The following CUEDC1 variants were observed in gnomAD, a reference collection of about 807,000 sequenced individuals.
The protein encoded by CUEDC1 is CUE domain containing 1, also known as CUE domain-containing protein 1.
A neutral mutation model predicts 43.7 loss-of-function variants in CUEDC1; 30 were observed. The observed-to-expected ratio is 0.69, with a 90% CI of 0.51 to 0.93. CUEDC1 has a LOEUF of 0.93. Ranked by LOEUF, CUEDC1 falls within the 40% of genes least tolerant of loss-of-function variation. The pLI, the probability that CUEDC1 is intolerant of heterozygous loss-of-function variation, is 0.00. For missense variants in CUEDC1, 486 were observed against 549.0 expected (o/e 0.89, Z 1.15); for synonymous variants, 223 against 223.6 (o/e 1.00, Z 0.02).
intron 1 of CUEDC1, among the ~76,000 whole-genome samples, chr17:57,889,791 G>A (rs2074336300): frequency 6.6e-6 from 1 of 152,140 alleles, no homozygotes; most frequent in African/African-American, 2.4e-5. Flanking sequence ...AGACTCCCAG[G>A]CTGCCTATAG....
chr17:57,935,934 A>AGGGGACTT (rs1395508522), intron 1 of CUEDC1, among the ~76,000 whole-genome samples: 3 of 152,224 alleles, frequency 2.0e-5, no homozygotes, highest in African/African-American at 4.8e-5. Context: ...GAGAAAGACC[A>AGGGGACTT]GGGGACTTGA....
chr17:57,885,238 G>T lies in CUEDC1; in HGVS notation c.327C>A (p.Ile109=), dbSNP rs776987481. 1.8e-5 allele frequency: 28 copies of T among 1,577,292 alleles called. No homozygotes were observed. In the East Asian group the frequency reaches 6.5e-4, roughly 37 times the overall value. The change falls in exon 2 of 11, where the codon ATC becomes ATA. Residue 109 remains isoleucine (I), a synonymous_variant. Coordinates refer to ENST00000577830, the MANE Select transcript of CUEDC1 (RefSeq NM_001271875.2). The part of the protein sequence containing the change: ...YEDSSDSEDS[I]PPEILERTLE... Reference sequence around the variant, plus strand: ...CGGGCTGCGCCCCTACCTCCGGGGGGATGCTGTCCTCCGAGTCGGAGCTGT... The same window carrying T: ...CGGGCTGCGCCCCTACCTCCGGGGGTATGCTGTCCTCCGAGTCGGAGCTGT...
intron 3 of CUEDC1, 81 bp downstream of exon 3, chr17:57,879,530 G>A: frequency 6.8e-7 from 1 of 1,472,126 alleles, no homozygotes; most frequent in Non-Finnish European, 8.9e-7. Context: ...GTCCAGCCAA[G>A]TTTCGTGTTG....
At chr17:57,876,387 G>A (rs1347971243) in intron 3 of CUEDC1, among the ~76,000 whole-genome samples, 1 of 152,062 alleles carries the variant, frequency 6.6e-6, no homozygotes, top group Admixed American at 6.6e-5. Flanking sequence ...CCACATTACT[G>A]CCAATGTGGC....
intron 1 of CUEDC1, among the ~76,000 whole-genome samples, chr17:57,936,690 G>A (rs1377724911): frequency 2.6e-5 from 4 of 152,062 alleles, no homozygotes; most frequent in African/African-American, 9.7e-5. Context: ...ACCCGGGTGA[G>A]GCTCAGATCC....
intron 1 of CUEDC1, among the ~76,000 whole-genome samples, chr17:57,938,852 G>C (rs1598022907): frequency 1.3e-5 from 2 of 151,336 alleles, no homozygotes; most frequent in Non-Finnish European, 2.9e-5. Flanking sequence ...GGTAGAGATG[G>C]GGTTTTTCCA....
At position 57,868,255 on chromosome 17, in the gene CUEDC1, G is replaced by C. The variant is rs750320890; in HGVS notation, c.941-12C>G. Reference sequence around the variant, plus strand: ...TTTCCTCCGGGTGGCTGGGGGCAGAGAGACCTGTGAGTCATTCTCTCAGCA... The same window carrying C: ...TTTCCTCCGGGTGGCTGGGGGCAGACAGACCTGTGAGTCATTCTCTCAGCA... On this transcript the variant is annotated splice_polypyrimidine_tract_variant and intron_variant, in intron 7 of 10. Transcript: ENST00000577830. The C allele has an allele frequency of 6.2e-7, 1 of 1,611,494 alleles. No homozygotes were observed. Among genetic ancestry groups the C allele is most frequent in the Non-Finnish European group, 8.5e-7 (1 of 1,177,756 alleles).
Position 57,885,823 on chromosome 17 carries a change from C to A in CUEDC1, c.-259G>T, listed in dbSNP as rs1597983740. The A allele has an allele frequency of 5.5e-6, 2 of 363,036 alleles. No homozygotes were observed. Among genetic ancestry groups the A allele is most frequent in the East Asian group, 9.8e-5 (2 of 20,336 alleles). The allele number at this position is 363,036 out of a possible 1,614,324, so 22.5% of individuals were successfully genotyped here. A position where few individuals can be genotyped will look rare whatever the true frequency, so the allele number is the denominator to read the frequency against. On this transcript the variant is annotated 5_prime_UTR_variant, in exon 2 of 11. Transcript: ENST00000577830. ...GGGACCGGGCCGTGCTGGGGCTGGG[C>A]GGCCGGTCATCCACACCCCCGGTGC...
At chr17:57,866,667 G>C in intron 9 of CUEDC1, 123 bp from the exon 10 acceptor site, 4 of 896,966 alleles carry the variant, frequency 4.5e-6, no homozygotes, top group Non-Finnish European at 7.0e-6. Context: ...GACCCATGCA[G>C]ATCCCCCCAG....
intron 1 of CUEDC1, among the ~76,000 whole-genome samples, chr17:57,888,919 G>T (rs2074326885): frequency 6.6e-6 from 1 of 152,222 alleles, no homozygotes; most frequent in Admixed American, 6.5e-5. Flanking sequence ...AGATGACCTG[G>T]GCCACCCCCA....
chr17:57,938,756 G>A lies in CUEDC1; in HGVS notation c.-316+16469C>T, dbSNP rs1042924044. Among the ~76,000 whole-genome samples the A allele has an allele frequency of 4.6e-5, 7 of 152,002 alleles. No homozygotes were observed. In the East Asian group the frequency reaches 5.8e-4, roughly 13 times the overall value. On this transcript the variant is annotated intron_variant, in intron 1 of 10. Transcript: ENST00000577830. ...CAGCTCAGCGCAACCTCTGCCTCCC[G>A]GGTTCGAGCGATTCTCCTGCCTCAG...
At chr17:57,894,425 C>T (rs974455973) in intron 1 of CUEDC1, among the ~76,000 whole-genome samples, 1 of 152,112 alleles carries the variant, frequency 6.6e-6, no homozygotes, top group Non-Finnish European at 1.5e-5. Flanking sequence ...AATCCCAGCA[C>T]TTTGGGAGGC....
chr17:57,911,797 G>A (rs1017913811), intron 1 of CUEDC1, among the ~76,000 whole-genome samples: 1 of 152,140 alleles, frequency 6.6e-6, no homozygotes, highest in Non-Finnish European at 1.5e-5. Flanking sequence ...ATGAGCCACC[G>A]TGCCCGTCCC....
chr17:57,923,321 A>T (rs2074715484), intron 1 of CUEDC1, among the ~76,000 whole-genome samples: 1 of 152,110 alleles, frequency 6.6e-6, no homozygotes, highest in Non-Finnish European at 1.5e-5. Context: ...GGGCATGAAG[A>T]CTCAGAACCA....
intron 1 of CUEDC1, among the ~76,000 whole-genome samples, chr17:57,893,521 C>T (rs2074378138): frequency 6.6e-6 from 1 of 152,220 alleles, no homozygotes; most frequent in South Asian, 2.1e-4. Context: ...TCGGAAAAGG[C>T]TTAATGGAAA....
At chr17:57,899,566 C>G (rs887877046) in intron 1 of CUEDC1, among the ~76,000 whole-genome samples, 3 of 152,156 alleles carry the variant, frequency 2.0e-5, no homozygotes, top group African/African-American at 7.2e-5. Flanking sequence ...CTTGTATGGG[C>G]ACATACAGCA....
chr17:57,895,943 G>A, intron 1 of CUEDC1, among the ~76,000 whole-genome samples: 1 of 152,220 alleles, frequency 6.6e-6, no homozygotes, highest in East Asian at 1.9e-4. Context: ...TCAGGCTGAA[G>A]GCCCCCCCAG....
intron 1 of CUEDC1, among the ~76,000 whole-genome samples, chr17:57,937,897 A>G (rs764540620): frequency 6.6e-6 from 1 of 152,148 alleles, no homozygotes; most frequent in East Asian, 1.9e-4. Flanking sequence ...ACAGAGAGAG[A>G]CCTAGTCTCA....
rs141863210 is a variant in CUEDC1, at chr17:57,862,868, C to G, written c.*421G>C. 1 of 152,252 alleles carries G rather than the reference C, an allele frequency of 6.6e-6. No homozygotes were observed. The highest frequency in any genetic ancestry group is 6.5e-5 in the Admixed American group (1 of 15,284). The allele number at this position is 152,252 out of a possible 1,614,324, so 9.4% of individuals were successfully genotyped here. On this transcript the variant is annotated 3_prime_UTR_variant, in exon 11 of 11. Transcript: ENST00000577830. ...AGTCTGTGACAGGAGAGATAGAGAA[C>G]GGACGGAGGCAGAGACTCCACCTTC...
Sources: gnomAD v4.1 joint callset for allele counts (sites outside exome capture counted in the v4.1 genomes callset) on GRCh38, gnomAD v4.1.1 for gene constraint, MANE v1.5 for transcripts, NCBI Gene and HGNC (gene_info 2026-07-23, HGNC 2026-07-21) for gene names.